MYO3A: variants seen among roughly 807,000 people sequenced by gnomAD.
The protein encoded by MYO3A is myosin-IIIa.
MYO3A carries 180 observed loss-of-function variants against 192.7 expected under a neutral mutation model. That is an observed-to-expected ratio of 0.93 (90% CI 0.83 to 1.06). The LOEUF (loss-of-function observed/expected upper bound fraction) is 1.06. Among genes scored for constraint, MYO3A ranks in the 50% least tolerant of loss-of-function variants. The pLI, the probability that MYO3A is intolerant of heterozygous loss-of-function variation, is 0.00. For synonymous variants in MYO3A, 628 were observed against 645.3 expected, an observed-to-expected ratio of 0.97 and a Z score of 0.41; for missense variants, 1,896 against 1,905.0, an observed-to-expected ratio of 1.00 and a Z score of 0.09.
At chr10:26,208,315 T>A (rs916774357) in intron 34 of MYO3A, among the ~76,000 whole-genome samples, 12 of 152,178 alleles carry the variant, frequency 7.9e-5, no homozygotes, top group Admixed American at 2.0e-4. Context: ...GGAACACAAG[T>A]GCCTCAGTTA....
rs146647767 is a variant in MYO3A at position 26,157,489 on chromosome 10, G to T, written c.2973G>T (p.Arg991=). 714 of 1,614,050 alleles carry T rather than the reference G, an allele frequency of 4.4e-4. 3 individuals carry two copies. The African/African-American group carries it at 8.2e-3, about 19-fold the overall frequency. ...TTCGAAGACTAGGATTCTCCCATCG[G>T]ATACTTTTTGCTAACTTTATAAAGC... ...ARIRRLGFSH[R]ILFANFIKRY... The change falls in exon 26 of 35, where the codon CGG becomes CGT. Residue 991 remains arginine, a synonymous_variant. Transcript: ENST00000642920.
At chr10:26,109,122 G>T (rs2131629746) in intron 17 of MYO3A, among the ~76,000 whole-genome samples, 1 of 152,312 alleles carries the variant, frequency 6.6e-6, no homozygotes, top group South Asian at 2.1e-4. Context: ...GAGAGATTTT[G>T]TTTTGTACAA....
intron 24 of MYO3A, 61 bp downstream of exon 24, chr10:26,153,990 A>G: frequency 8.6e-7 from 1 of 1,166,794 alleles, no homozygotes; most frequent in African/African-American, 1.5e-5. Flanking sequence ...TGATGGCAAT[A>G]TTTGTATGCT....
At chr10:26,066,121 C>CAA (rs1331706742) in intron 10 of MYO3A, among the ~76,000 whole-genome samples, 775 of 18,394 alleles carry the variant, frequency 0.042, 117 homozygotes, top group Non-Finnish European at 0.064. Flanking sequence ...AACTCCGTCT[C>CAA]AAAAAAAAAA....
At chr10:26,122,901 T>C (rs1017960596) in intron 18 of MYO3A, among the ~76,000 whole-genome samples, 1 of 152,104 alleles carries the variant, frequency 6.6e-6, no homozygotes, top group East Asian at 1.9e-4. Context: ...AAATAAACAA[T>C]GTAGGAACAG....
chr10:26,161,175 G>T (rs1380570037), intron 26 of MYO3A, among the ~76,000 whole-genome samples: 2 of 152,160 alleles, frequency 1.3e-5, no homozygotes, highest in Non-Finnish European at 2.9e-5. Flanking sequence ...ATCCAAATTG[G>T]CATAGACTCT....
chr10:26,027,091 A>G (rs1241902838), intron 10 of MYO3A, among the ~76,000 whole-genome samples: 1 of 152,200 alleles, frequency 6.6e-6, no homozygotes. Context: ...TCTATAAAGT[A>G]AGATATCTTA....
At chr10:26,061,151 G>A (rs921976433) in intron 10 of MYO3A, among the ~76,000 whole-genome samples, 3 of 151,894 alleles carry the variant, frequency 2.0e-5, no homozygotes, top group African/African-American at 7.3e-5. Context: ...GGATGGTCTC[G>A]ATCTCCTGAC....
At chr10:26,083,789 T>C (rs1424920861) in intron 14 of MYO3A, among the ~76,000 whole-genome samples, 4 of 152,334 alleles carry the variant, frequency 2.6e-5, no homozygotes, top group Middle Eastern at 3.4e-3. Flanking sequence ...AAAAAATGTG[T>C]CTTCTCAACG....
chr10:25,972,425 C>A (rs189329833), intron 4 of MYO3A, among the ~76,000 whole-genome samples: 1 of 152,188 alleles, frequency 6.6e-6, no homozygotes, highest in African/African-American at 2.4e-5. Context: ...CCACTAAGTC[C>A]AATGACTGGG....
rs371947383 is a variant in MYO3A at position 26,105,725 on chromosome 10, T to C, written c.1776+9043T>C. Among the ~76,000 whole-genome samples, 3 of 152,078 alleles carry C rather than the reference T, an allele frequency of 2.0e-5. No homozygotes were observed. In the South Asian group the frequency reaches 6.2e-4, roughly 31 times the overall value. ...TTCGTTTATTCAAACAAATTTACGT[T>C]TTTGTTCATAGTATCTAGGTCTCTA... On this transcript the variant is annotated intron_variant, in intron 17 of 34. Transcript: ENST00000642920.
At chr10:25,944,165 T>C (rs1192020179) in intron 2 of MYO3A, among the ~76,000 whole-genome samples, 1 of 152,100 alleles carries the variant, frequency 6.6e-6, no homozygotes, top group Non-Finnish European at 1.5e-5. Context: ...TCATGTGTTT[T>C]TTCCCCTTTC....
At chr10:25,947,544 C>T (rs928960954) in intron 2 of MYO3A, among the ~76,000 whole-genome samples, 7 of 151,846 alleles carry the variant, frequency 4.6e-5, no homozygotes, top group African/African-American at 9.7e-5. Flanking sequence ...CAGGGATGCA[C>T]CACCATGCCC....
chr10:25,966,592 C>G (rs1423799157), intron 4 of MYO3A, among the ~76,000 whole-genome samples: 1 of 152,126 alleles, frequency 6.6e-6, no homozygotes, highest in Non-Finnish European at 1.5e-5. Flanking sequence ...AAAAACTGAA[C>G]AGTTTTAGTA....
In MYO3A at chr10:26,182,689, G is replaced by A. The variant is rs546417751; in HGVS notation, c.4438+5844G>A. Among the ~76,000 whole-genome samples, 3 of 152,226 alleles carry A rather than the reference G, an allele frequency of 2.0e-5. No individual in the cohort carries two copies. In the East Asian group the frequency reaches 5.8e-4, roughly 29 times the overall value. On this transcript the variant is annotated intron_variant, in intron 31 of 34. Coordinates refer to ENST00000642920, the MANE Select transcript of MYO3A (RefSeq NM_017433.5). ...AATAAATGAATACCCACTTCATTTT[G>A]AAAAATAGCCAAGATGTAATTAGAT...
chr10:25,964,235 A>T (rs1251735050), intron 4 of MYO3A, among the ~76,000 whole-genome samples: 1 of 152,184 alleles, frequency 6.6e-6, no homozygotes, highest in Non-Finnish European at 1.5e-5. Flanking sequence ...CAATTATATT[A>T]TACAACAATA....
At chr10:26,129,882 A>G (rs889244497) in intron 20 of MYO3A, among the ~76,000 whole-genome samples, 1 of 152,200 alleles carries the variant, frequency 6.6e-6, no homozygotes, top group Non-Finnish European at 1.5e-5. Context: ...CAAAACAAGT[A>G]AAAAATTTTT....
At chr10:26,029,329 C>T (rs1842704353) in intron 10 of MYO3A, among the ~76,000 whole-genome samples, 1 of 152,098 alleles carries the variant, frequency 6.6e-6, no homozygotes, top group East Asian at 1.9e-4. Context: ...TTCAGTTGTT[C>T]TTTTAAATAT....
In MYO3A at chr10:26,210,255, G is replaced by A. The variant is rs1387328807; in HGVS notation, c.4731-1588G>A. On this transcript the variant is annotated intron_variant, in intron 34 of 34. Transcript: ENST00000642920. ...TGACTTATATATTTGATATCTTCTT[G>A]AATATCTAATAAATATCTCAAACTT... 2.0e-5 allele frequency among the ~76,000 whole-genome samples: 3 copies of A among 152,270 alleles called. No homozygotes were observed. In the East Asian group the frequency reaches 5.8e-4, roughly 29 times the overall value.
Sources: gnomAD v4.1 joint callset for allele counts (sites outside exome capture counted in the v4.1 genomes callset) on GRCh38, gnomAD v4.1.1 for gene constraint, MANE v1.5 for transcripts, NCBI Gene and HGNC (gene_info 2026-07-23, HGNC 2026-07-21) for gene names.